The following MALT1 variants were observed in gnomAD, a reference collection of about 807,000 sequenced individuals.
MALT1 encodes MALT1 paracaspase.
A neutral mutation model predicts 85.5 loss-of-function variants in MALT1; 36 were observed. That is an observed-to-expected ratio of 0.42 (90% CI 0.32 to 0.56). The LOEUF is 0.56. MALT1 is among the 20% of genes least tolerant of loss of function. MALT1 has a pLI of 0.10. For synonymous variants in MALT1, 359 were observed against 361.3 expected (o/e 0.99, Z 0.07); for missense variants, 716 against 981.6 (o/e 0.73, Z 3.62).
At chr18:58,744,274 C>G in intron 14 of MALT1, 64 bp from the exon 15 acceptor site, 1 of 1,055,680 alleles carries the variant, frequency 9.5e-7, no homozygotes, top group Non-Finnish European at 1.4e-6. Context: ...ATATTCTCCT[C>G]CATAAATATT....
At position 58,734,291 on chromosome 18, in the gene MALT1, C is replaced by A; in HGVS notation, c.1401-16C>A. ...TTTCATATTTCTATCTGCCCTCCTC[C>A]GCCTCCCTTAAATAGAAATGACTAC... On this transcript the variant is annotated splice_polypyrimidine_tract_variant and intron_variant, in intron 11 of 16. Coordinates refer to ENST00000649217, the MANE Select transcript of MALT1 (RefSeq NM_006785.4). 6.3e-7 allele frequency: 1 copy of A among 1,579,750 alleles called. No individual in the cohort carries two copies. The highest frequency in any genetic ancestry group is 8.7e-7 in the Non-Finnish European group (1 of 1,148,948).
At position 58,749,756 on chromosome 18, in the gene MALT1, CT is replaced by C. The variant is rs948902150; in HGVS notation, c.*1917del. The stretch of plus-strand genomic sequence containing the variant: ...ACAGCATTTGATAAAATCCAAAACT[CT>C]TTCATAAAAACACTCAACAAACTTA... On this transcript the variant is annotated 3_prime_UTR_variant, in exon 17 of 17. Transcript: ENST00000649217. The C allele has an allele frequency of 4.6e-6, 1 of 216,870 alleles. No homozygotes were observed. Among genetic ancestry groups the C allele is most frequent in the African/African-American group, 2.2e-5 (1 of 44,480 alleles). 13.4% of individuals were successfully genotyped at this position (216,870 alleles called of 1,614,324 possible). A position where few individuals can be genotyped will look rare whatever the true frequency, so the allele number is the denominator to read the frequency against.
intron 9 of MALT1, among the ~76,000 whole-genome samples, chr18:58,718,482 C>T (rs1353509073): frequency 1.3e-5 from 2 of 152,176 alleles, no homozygotes; most frequent in Non-Finnish European, 2.9e-5. Context: ...GCATTTGATT[C>T]TCATAGGAGT....
At chr18:58,739,894 G>T (rs2055278962) in intron 13 of MALT1, among the ~76,000 whole-genome samples, 1 of 152,170 alleles carries the variant, frequency 6.6e-6, no homozygotes, top group African/African-American at 2.4e-5. Flanking sequence ...TAATACAGAA[G>T]AAGTACACCC....
intron 11 of MALT1, 179 bp downstream of exon 11, chr18:58,733,753 A>C: frequency 1.4e-6 from 1 of 738,220 alleles, no homozygotes. Context: ...AATTATTTTA[A>C]CTCTTCATAT....
rs1457310629 is a variant in MALT1 at position 58,751,992 on chromosome 18, C to T, written c.*4150C>T. 6.6e-6 allele frequency: 1 copy of T among 152,172 alleles called. No homozygotes were observed. The highest frequency in any genetic ancestry group is 2.4e-5 in the African/African-American group (1 of 41,436). 9.4% of individuals were successfully genotyped at this position (152,172 alleles called of 1,614,324 possible). On this transcript the variant is annotated 3_prime_UTR_variant, in exon 17 of 17. Coordinates refer to ENST00000649217, the MANE Select transcript of MALT1 (RefSeq NM_006785.4). ...ACAGAAAAGGTCCATTTAGACATTG[C>T]CTTCTTCCCCCATCTCTAATGCCTC...
intron 10 of MALT1, among the ~76,000 whole-genome samples, chr18:58,727,056 T>C (rs892782339): frequency 6.6e-6 from 1 of 152,234 alleles, no homozygotes; most frequent in African/African-American, 2.4e-5. Context: ...GTTTACAGGA[T>C]AAGATAAAAT....
chr18:58,735,091 C>T (rs1221999566), intron 12 of MALT1, 111 bp from the exon 13 acceptor site: 1 of 901,618 alleles, frequency 1.1e-6, no homozygotes, highest in Non-Finnish European at 1.7e-6. Context: ...TGGTAACCAC[C>T]ATTCTGCTGG....
chr18:58,747,396 C>A lies in MALT1; in HGVS notation c.2038-9C>A. The A allele has an allele frequency of 6.4e-7, 1 of 1,573,248 alleles. No homozygotes were observed. The highest frequency in any genetic ancestry group is 1.2e-5 in the South Asian group (1 of 86,460). ...TGCCAATAATAAACCAGATTTTTTT[C>A]CTTTTCAGGAACATCTAGTCTTCAC... On this transcript the variant is annotated splice_polypyrimidine_tract_variant and intron_variant, in intron 16 of 16. Coordinates refer to ENST00000649217, the MANE Select transcript of MALT1 (RefSeq NM_006785.4).
At chr18:58,683,853 GTTTA>G (rs1487592709) in intron 2 of MALT1, among the ~76,000 whole-genome samples, 1 of 152,154 alleles carries the variant, frequency 6.6e-6, no homozygotes, top group Non-Finnish European at 1.5e-5. Flanking sequence ...AAGGAAAGCA[GTTTA>G]TTTTTTTCTT....
chr18:58,744,531 A>G, intron 15 of MALT1, 36 bp downstream of exon 15: 1 of 1,404,380 alleles, frequency 7.1e-7, no homozygotes, highest in Non-Finnish European at 9.7e-7. Flanking sequence ...ACAGTGATAT[A>G]TTCTCACTTA....
At chr18:58,681,091 C>T (rs1332086015) in intron 1 of MALT1, 79 bp from the exon 2 acceptor site, 1 of 1,308,346 alleles carries the variant, frequency 7.6e-7, no homozygotes, top group Non-Finnish European at 1.1e-6. Flanking sequence ...TTCCATACAG[C>T]ACCACCGTGG....
At chr18:58,722,107 A>AT (rs1179572821) in intron 9 of MALT1, among the ~76,000 whole-genome samples, 85 of 51,442 alleles carry the variant, frequency 1.7e-3, no homozygotes, top group East Asian at 0.013. Context: ...TGTGTTCTTT[A>AT]TTTTTTTTTT....
intron 15 of MALT1, 101 bp downstream of exon 15, chr18:58,744,596 A>G (rs947680701): frequency 4.1e-6 from 2 of 486,212 alleles, no homozygotes; most frequent in Non-Finnish European, 3.4e-6. Flanking sequence ...AAGGAAATAT[A>G]TATATTTATA....
intron 4 of MALT1, among the ~76,000 whole-genome samples, chr18:58,702,943 G>T (rs1436854937): frequency 6.6e-6 from 1 of 152,208 alleles, no homozygotes; most frequent in Non-Finnish European, 1.5e-5. Context: ...TGTTGTATTT[G>T]CTGGACAAAA....
At chr18:58,697,494 T>C (rs758341813) in intron 3 of MALT1, among the ~76,000 whole-genome samples, 2 of 152,224 alleles carry the variant, frequency 1.3e-5, no homozygotes, top group Non-Finnish European at 2.9e-5. Flanking sequence ...CATCAGAGGT[T>C]GTGAGAATTA....
intron 10 of MALT1, among the ~76,000 whole-genome samples, chr18:58,726,062 A>G (rs2055050701): frequency 6.6e-6 from 1 of 152,202 alleles, no homozygotes; most frequent in Non-Finnish European, 1.5e-5. Context: ...CTCCATCTCA[A>G]AATAACAAAA....
At chr18:58,684,666 G>A (rs2054374098) in intron 2 of MALT1, among the ~76,000 whole-genome samples, 1 of 151,302 alleles carries the variant, frequency 6.6e-6, no homozygotes, top group East Asian at 2.0e-4. Flanking sequence ...GGCTGGTTTT[G>A]AACTTCCGAC....
chr18:58,734,014 A>G (rs947290200), intron 11 of MALT1: 13 of 1,200,528 alleles, frequency 1.1e-5, no homozygotes, highest in African/African-American at 1.5e-5. Flanking sequence ...TTGCCTTTCT[A>G]AGGAGTAGAA....
Sources: gnomAD v4.1 joint callset for allele counts (sites outside exome capture counted in the v4.1 genomes callset) on GRCh38, gnomAD v4.1.1 for gene constraint, MANE v1.5 for transcripts, NCBI Gene and HGNC (gene_info 2026-07-23, HGNC 2026-07-21) for gene names.